The following KIAA1549L variants were observed in gnomAD, a reference collection of about 807,000 sequenced individuals.
The protein encoded by KIAA1549L is UPF0606 protein KIAA1549L.
Under a neutral mutation model 160.7 loss-of-function variants are expected in KIAA1549L, and 88 were observed. The observed-to-expected ratio is 0.55, with a 90% confidence interval of 0.46 to 0.65. KIAA1549L has a LOEUF of 0.65. Among genes scored for constraint, KIAA1549L ranks in the 30% least tolerant of loss-of-function variants. The pLI, the probability that KIAA1549L is intolerant of heterozygous loss-of-function variation, is 0.00. For synonymous variants in KIAA1549L, 950 were observed against 976.7 expected, an observed-to-expected ratio of 0.97 and a Z score of 0.51; for missense variants, 2,258 against 2,437.5, an observed-to-expected ratio of 0.93 and a Z score of 1.55.
intron 16 of KIAA1549L, among the ~76,000 whole-genome samples, chr11:33,645,083 A>AT (rs576386956): frequency 6.6e-6 from 1 of 152,356 alleles, no homozygotes; most frequent in South Asian, 2.1e-4. Context: ...TAGATTTCAA[A>AT]TTTGAACAGG....
At chr11:33,393,476 C>T (rs1417624865) in intron 1 of KIAA1549L, among the ~76,000 whole-genome samples, 1 of 152,178 alleles carries the variant, frequency 6.6e-6, no homozygotes, top group Non-Finnish European at 1.5e-5. Context: ...CTGGAAACCC[C>T]TTCACAACTG....
chr11:33,507,081 C>T lies in KIAA1549L; in HGVS notation c.239-34721C>T, dbSNP rs148128763. ...AATTGCTGGTAACCTAAATGGGAAC[C>T]AGCAAGGTGTAGCAGAAGGAACATA... On this transcript the variant is annotated intron_variant, in intron 1 of 20. Coordinates refer to ENST00000658780, the MANE Select transcript of KIAA1549L (RefSeq NM_012194.3). 3.3e-3 allele frequency among the ~76,000 whole-genome samples: 504 copies of T among 152,254 alleles called. 1 individual carries two copies. Among genetic ancestry groups the T allele is most frequent in the African/African-American group, 0.011 (472 of 41,556 alleles).
intron 1 of KIAA1549L, among the ~76,000 whole-genome samples, chr11:33,493,727 C>T (rs1241893859): frequency 6.6e-6 from 1 of 152,202 alleles, no homozygotes; most frequent in Non-Finnish European, 1.5e-5. Context: ...CTACCTCTTC[C>T]CTAGTGCCAC....
intron 20 of KIAA1549L, chr11:33,665,695 G>C (rs1377655256): frequency 6.6e-6 from 1 of 152,264 alleles, no homozygotes; most frequent in African/African-American, 2.4e-5. Flanking sequence ...TCTGAAGGTA[G>C]GGCCTTGTGG....
intron 1 of KIAA1549L, among the ~76,000 whole-genome samples, chr11:33,407,080 C>CCTTTT (rs1491483483): frequency 5.0e-5 from 4 of 79,586 alleles, no homozygotes; most frequent in South Asian, 4.3e-4. Flanking sequence ...TTTCTTTTTT[C>CCTTTT]ATTTTTTTTT....
intron 1 of KIAA1549L, among the ~76,000 whole-genome samples, chr11:33,476,785 A>G (rs1198883530): frequency 6.6e-6 from 1 of 151,604 alleles, no homozygotes; most frequent in Non-Finnish European, 1.5e-5. Flanking sequence ...TTACAAATAA[A>G]CTCTCCTAAC....
At chr11:33,614,531 GATATATATATATATATATATAT>G (rs780446812) in intron 15 of KIAA1549L, among the ~76,000 whole-genome samples, 748 of 27,100 alleles carry the variant, frequency 0.028, 124 homozygotes, top group African/African-American at 0.057. Context: ...AGTGTAACAA[GATATATATATATATATATATAT>G]ATATATATAT....
chr11:33,610,123 C>T (rs957679119), intron 15 of KIAA1549L, among the ~76,000 whole-genome samples, 157 bp downstream of exon 15: 2 of 151,400 alleles, frequency 1.3e-5, no homozygotes, highest in African/African-American at 2.4e-5. Flanking sequence ...AGCAGGTGCT[C>T]TATAATGAGT....
At position 33,429,700 on chromosome 11, in the gene KIAA1549L, C is replaced by G. The variant is rs111552425; in HGVS notation, c.238+52811C>G. Among the ~76,000 whole-genome samples, 5 of 152,298 alleles carry G rather than the reference C, an allele frequency of 3.3e-5. 1 individual carries two copies. Among genetic ancestry groups the G allele is most frequent in the African/African-American group, 1.2e-4 (5 of 41,574 alleles). ...TAGACCTCTTTCCTTTGTATCTCTT[C>G]TACCCTGAACGTCCCCCTCCTTCCA... On this transcript the variant is annotated intron_variant, in intron 1 of 20. Transcript: ENST00000658780.
rs764592872 is a variant in KIAA1549L, at chr11:33,544,297, A to C, written c.2734A>C (p.Arg912=). 3 of 1,614,018 alleles carry C rather than the reference A, an allele frequency of 1.9e-6. No homozygotes were observed. The highest frequency in any genetic ancestry group is 2.2e-5 in the South Asian group (2 of 91,080). ...STSVFPRTSS[R]VLRASQHPKK... ...CAGTGTCTTTCCCAGGACCTCCTCC[A>C]GAGTGCTGCGGGCTTCTCAGCACCC... The change falls in exon 2 of 21, where the codon AGA becomes CGA. Residue 912 remains arginine, a synonymous_variant. Coordinates refer to ENST00000658780, the MANE Select transcript of KIAA1549L (RefSeq NM_012194.3).
chr11:33,654,997 A>G (rs1377961908), intron 17 of KIAA1549L, among the ~76,000 whole-genome samples: 2 of 152,142 alleles, frequency 1.3e-5, no homozygotes, highest in South Asian at 2.1e-4. Flanking sequence ...AAATCCTGTC[A>G]TCCTCCTCCT....
chr11:33,453,361 G>A (rs1383167448), intron 1 of KIAA1549L, among the ~76,000 whole-genome samples: 1 of 152,196 alleles, frequency 6.6e-6, no homozygotes, highest in Non-Finnish European at 1.5e-5. Flanking sequence ...AGCAAAGTAA[G>A]ACTGGGGTGG....
intron 12 of KIAA1549L, among the ~76,000 whole-genome samples, chr11:33,593,417 T>A (rs1348207807): frequency 6.6e-6 from 1 of 152,208 alleles, no homozygotes; most frequent in East Asian, 1.9e-4. Flanking sequence ...CCAGCCTGGA[T>A]GACAGAGTGA....
At chr11:33,497,889 A>G (rs1169195003) in intron 1 of KIAA1549L, among the ~76,000 whole-genome samples, 1 of 152,220 alleles carries the variant, frequency 6.6e-6, no homozygotes, top group East Asian at 1.9e-4. Context: ...TATTTGAGCT[A>G]CGGTGCCATT....
intron 1 of KIAA1549L, among the ~76,000 whole-genome samples, chr11:33,389,642 TTCTCTAG>T: frequency 6.6e-6 from 1 of 152,340 alleles, no homozygotes; most frequent in African/African-American, 2.4e-5. Flanking sequence ...TGGGGAATAT[TTCTCTAG>T]TCTCTAGTCC....
rs193054773 is a variant in KIAA1549L, at chr11:33,443,282, G to C, written c.238+66393G>C. ...CCCACAGTGGTGCGATTACAGGCAT[G>C]AGCCACCATGCTTGGCCCATTTGCT... On this transcript the variant is annotated intron_variant, in intron 1 of 20. Transcript: ENST00000658780. Among the ~76,000 whole-genome samples the C allele has an allele frequency of 1.0e-3, 153 of 152,086 alleles. 1 individual carries two copies. The highest frequency in any genetic ancestry group is 2.5e-3 in the Admixed American group (38 of 15,282).
rs1262399056 is a variant in KIAA1549L, at chr11:33,376,273, C to A, written c.-379C>A. On this transcript the variant is annotated 5_prime_UTR_variant, in exon 1 of 21. Transcript: ENST00000658780. The surrounding 1 kb of genome is among the most constrained non-coding windows in gnomAD (Gnocchi z 5.8). ...GGGAGGGAGGGACCCGAGCGCGCCC[C>A]GCGGCCGCCACCCCCGTTCCCGGCA... is the stretch of plus-strand genomic sequence containing the variant. Among the ~76,000 whole-genome samples the A allele has an allele frequency of 6.7e-6, 1 of 148,858 alleles. No homozygotes were observed. Among genetic ancestry groups the A allele is most frequent in the East Asian group, 2.0e-4 (1 of 5,052 alleles).
chr11:33,588,552 G>A (rs1046436718), intron 11 of KIAA1549L, among the ~76,000 whole-genome samples: 1 of 152,194 alleles, frequency 6.6e-6, no homozygotes, highest in African/African-American at 2.4e-5. Flanking sequence ...TGAAACAGTG[G>A]ACCTGGGGAG....
At chr11:33,449,628 A>G (rs759568530) in intron 1 of KIAA1549L, among the ~76,000 whole-genome samples, 5 of 152,172 alleles carry the variant, frequency 3.3e-5, no homozygotes, top group Non-Finnish European at 7.3e-5. Flanking sequence ...GAGTCTGACA[A>G]TGTGCCTTTC....
Sources: allele counts gnomAD v4.1 joint callset (sites outside exome capture counted in the v4.1 genomes callset), GRCh38; gene constraint gnomAD v4.1.1; non-coding constraint Gnocchi (gnomAD v3.1); transcripts MANE v1.5; gene names NCBI Gene and HGNC (gene_info 2026-07-23, HGNC 2026-07-21).